The following BNC2 variants were observed in gnomAD, a reference collection of about 807,000 sequenced individuals.
BNC2 encodes zinc finger protein basonuclin-2.
BNC2 carries 20 observed loss-of-function variants against 76.3 expected under a neutral mutation model. The observed-to-expected ratio is 0.26, with a 90% confidence interval of 0.18 to 0.38. BNC2 has a LOEUF of 0.38. Among genes scored for constraint, BNC2 ranks in the 10% least tolerant of loss-of-function variants. BNC2 has a pLI of 1.00. For synonymous variants in BNC2, 582 were observed against 514.8 expected, an observed-to-expected ratio of 1.13 and a Z score of -1.77; for missense variants, 1,382 against 1,399.8, an observed-to-expected ratio of 0.99 and a Z score of 0.20.
intron 3 of BNC2, among the ~76,000 whole-genome samples, chr9:16,713,835 G>T (rs1823920748): frequency 6.6e-6 from 1 of 152,150 alleles, no homozygotes; most frequent in East Asian, 1.9e-4. Context: ...AGCACTTTGG[G>T]AGGCTGAGGT....
intron 4 of BNC2, among the ~76,000 whole-genome samples, chr9:16,569,203 C>T (rs115324989): frequency 6.6e-6 from 1 of 151,574 alleles, no homozygotes; most frequent in East Asian, 1.9e-4. Context: ...ATTACTATAC[C>T]TTATATACAT....
chr9:16,778,808 A>G (rs1276160804), intron 1 of BNC2, among the ~76,000 whole-genome samples: 2 of 152,210 alleles, frequency 1.3e-5, no homozygotes, highest in Admixed American at 1.3e-4. Flanking sequence ...CCTCTGTTAA[A>G]TACAAAACAA....
chr9:16,855,999 C>A (rs2136182188), intron 1 of BNC2, among the ~76,000 whole-genome samples: 1 of 152,196 alleles, frequency 6.6e-6, no homozygotes, highest in African/African-American at 2.4e-5. Flanking sequence ...TTCAGGAATG[C>A]AATTTGACAG....
At position 16,516,802 on chromosome 9, in the gene BNC2, G is replaced by A. The variant is rs926711603; in HGVS notation, c.669+35728C>T. ...AATCCAGATAGTTTTAAAATTTGTC[G>A]TATTAAAAGCATCTCTTATGCTTAT... is the stretch of plus-strand genomic sequence containing the variant. On this transcript the variant is annotated intron_variant, in intron 5 of 6. Transcript: ENST00000380672. Among the ~76,000 whole-genome samples, 8 of 152,114 alleles carry A rather than the reference G, an allele frequency of 5.3e-5. No individual in the cohort carries two copies. The South Asian group carries it at 6.2e-4, about 12-fold the overall frequency.
At chr9:16,800,331 G>A (rs955762648) in intron 1 of BNC2, among the ~76,000 whole-genome samples, 4 of 151,980 alleles carry the variant, frequency 2.6e-5, no homozygotes, top group African/African-American at 9.7e-5. Flanking sequence ...TAGAAGAAAC[G>A]AAATACTATC....
At position 16,416,851 on chromosome 9, in the gene BNC2, G is replaced by A. The variant is rs1046614555; in HGVS notation, c.*2138C>T. On this transcript the variant is annotated 3_prime_UTR_variant, in exon 7 of 7. Transcript: ENST00000380672. ...TATTTTGGGAAACAATAAATACTGT[G>A]AGGTACAATAAATCCTACAGGAATA... 1.3e-5 allele frequency: 2 copies of A among 152,538 alleles called. No homozygotes were observed. Among genetic ancestry groups the A allele is most frequent in the African/African-American group, 4.8e-5 (2 of 41,428 alleles). 9.4% of individuals were successfully genotyped at this position (152,538 alleles called of 1,614,324 possible). A position where few individuals can be genotyped will look rare whatever the true frequency, so the allele number is the denominator to read the frequency against.
chr9:16,711,034 C>G (rs930079961), intron 3 of BNC2, among the ~76,000 whole-genome samples: 1 of 152,048 alleles, frequency 6.6e-6, no homozygotes, highest in Non-Finnish European at 1.5e-5. Context: ...TGCTGTCCCT[C>G]GCTCCCTCTA....
intron 1 of BNC2, among the ~76,000 whole-genome samples, chr9:16,775,163 G>A (rs910546130): frequency 8.5e-5 from 13 of 152,118 alleles, no homozygotes; most frequent in African/African-American, 2.9e-4. Flanking sequence ...TGGGGGTAGG[G>A]GCCCAGCAAT....
intron 1 of BNC2, 52 bp downstream of exon 1, chr9:16,870,594 C>A: frequency 1.9e-6 from 3 of 1,602,344 alleles, no homozygotes; most frequent in Non-Finnish European, 2.6e-6. Flanking sequence ...GCGCGGGGGT[C>A]ATTTCTGAGG....
intron 4 of BNC2, among the ~76,000 whole-genome samples, chr9:16,560,048 G>T (rs77224726): frequency 0.027 from 4,123 of 152,308 alleles, 132 homozygotes; most frequent in South Asian, 0.18. Context: ...CGGAACTAAG[G>T]CAGTGATTCT....
chr9:16,495,220 T>C (rs1012950894), intron 5 of BNC2, among the ~76,000 whole-genome samples: 1 of 152,192 alleles, frequency 6.6e-6, no homozygotes, highest in Admixed American at 6.5e-5. Context: ...AGTCGTAGTT[T>C]AACCTCATTG....
chr9:16,606,084 T>C (rs948064269), intron 3 of BNC2, among the ~76,000 whole-genome samples: 1 of 152,126 alleles, frequency 6.6e-6, no homozygotes, highest in African/African-American at 2.4e-5. Flanking sequence ...TGCCTGCTGC[T>C]AGAACAGAAA....
chr9:16,759,258 T>A (rs551354375), intron 1 of BNC2, among the ~76,000 whole-genome samples: 46 of 152,344 alleles, frequency 3.0e-4, no homozygotes, highest in Admixed American at 9.1e-4. Context: ...ACTATTTTTG[T>A]ACTTTGTTAT....
chr9:16,525,364 T>C (rs1198522159), intron 5 of BNC2, among the ~76,000 whole-genome samples: 1 of 152,092 alleles, frequency 6.6e-6, no homozygotes, highest in Non-Finnish European at 1.5e-5. Flanking sequence ...AGATATACTA[T>C]GGGCTAATAC....
In BNC2 at chr9:16,539,693, AG is replaced by A. The variant is rs1563830843; in HGVS notation, c.669+12836del. On this transcript the variant is annotated intron_variant, in intron 5 of 6. Transcript: ENST00000380672. Reference sequence around the variant, plus strand: ...GAGGGAGGGAGGAAGGAAGGAAGGGAGAAAGGAAGGGAGGAAGGAAGGAAGG... The same window carrying A: ...GAGGGAGGGAGGAAGGAAGGAAGGGAAAAGGAAGGGAGGAAGGAAGGAAGG... Among the ~76,000 whole-genome samples the A allele has an allele frequency of 1.2e-4, 13 of 112,904 alleles. 2 individuals are homozygous for A. The highest frequency in any genetic ancestry group is 5.3e-4 in the African/African-American group (13 of 24,670). 74.1% of individuals were successfully genotyped at this position (112,904 alleles called of 152,430 possible).
intron 6 of BNC2, among the ~76,000 whole-genome samples, chr9:16,425,184 C>G (rs1365061965): frequency 6.6e-6 from 1 of 152,172 alleles, no homozygotes; most frequent in Non-Finnish European, 1.5e-5. Context: ...AACAAATCAT[C>G]CATACTAGTC....
chr9:16,664,812 A>G (rs1822220250), intron 3 of BNC2, among the ~76,000 whole-genome samples: 1 of 152,174 alleles, frequency 6.6e-6, no homozygotes, highest in African/African-American at 2.4e-5. Context: ...CTGCTCTGGA[A>G]TAAACTCTCA....
At chr9:16,843,753 G>C (rs1160987643) in intron 1 of BNC2, among the ~76,000 whole-genome samples, 1 of 152,202 alleles carries the variant, frequency 6.6e-6, no homozygotes, top group Non-Finnish European at 1.5e-5. Flanking sequence ...TGTGTGGAAG[G>C]AGAAGAGGTT....
intron 3 of BNC2, among the ~76,000 whole-genome samples, chr9:16,664,606 G>C (rs1012699465): frequency 6.6e-6 from 1 of 151,780 alleles, no homozygotes; most frequent in Non-Finnish European, 1.5e-5. Context: ...TCCTAATCTG[G>C]TCTGGTGTTG....
Sources: gnomAD v4.1 joint callset for allele counts (sites outside exome capture counted in the v4.1 genomes callset) on GRCh38, gnomAD v4.1.1 for gene constraint, MANE v1.5 for transcripts, NCBI Gene and HGNC (gene_info 2026-07-23, HGNC 2026-07-21) for gene names.